Variants in EIPR1 observed in about 807,000 individuals in gnomAD.
The protein encoded by EIPR1 is EARP complex and GARP complex interacting protein 1, also known as EARP and GARP complex-interacting protein 1.
Under a neutral mutation model 48.1 loss-of-function variants are expected in EIPR1, and 25 were observed. That is an observed-to-expected ratio of 0.52 (90% CI 0.38 to 0.73). The LOEUF (loss-of-function observed/expected upper bound fraction) is 0.73. Ranked by LOEUF, EIPR1 falls within the 30% of genes least tolerant of loss-of-function variation. The pLI, the probability that EIPR1 is intolerant of heterozygous loss-of-function variation, is 0.00. For synonymous variants in EIPR1, 204 were observed against 201.9 expected (o/e 1.01, Z -0.09); for missense variants, 415 against 506.2 (o/e 0.82, Z 1.73).
At chr2:3,203,601 A>G (rs1390639328) in intron 5 of EIPR1, among the ~76,000 whole-genome samples, 2 of 152,212 alleles carry the variant, frequency 1.3e-5, no homozygotes, top group Non-Finnish European at 2.9e-5. Context: ...TGACATGAGG[A>G]GGCTGAAAAC....
chr2:3,216,653 T>C (rs1665648674), intron 4 of EIPR1, among the ~76,000 whole-genome samples: 1 of 152,208 alleles, frequency 6.6e-6, no homozygotes, highest in Non-Finnish European at 1.5e-5. Context: ...TTTGGTGCCA[T>C]AAATATTTGA....
At chr2:3,210,353 C>A (rs1364897761) in intron 5 of EIPR1, among the ~76,000 whole-genome samples, 4 of 152,174 alleles carry the variant, frequency 2.6e-5, no homozygotes, top group African/African-American at 9.7e-5. Flanking sequence ...CCACCCACAT[C>A]TGTTTTTCCA....
intron 2 of EIPR1, chr2:3,353,193 G>C: frequency 4.3e-6 from 2 of 470,454 alleles, no homozygotes; most frequent in Non-Finnish European, 4.4e-6. Flanking sequence ...TATGTTTAGG[G>C]TTCAGTACTC....
intron 3 of EIPR1, among the ~76,000 whole-genome samples, chr2:3,332,458 T>C (rs564369961): frequency 1.1e-4 from 16 of 152,298 alleles, no homozygotes; most frequent in Admixed American, 6.5e-5. Flanking sequence ...GGGCTCCAGG[T>C]CCAATTGAGA....
At chr2:3,224,030 T>C (rs1426464407) in intron 4 of EIPR1, among the ~76,000 whole-genome samples, 1 of 152,186 alleles carries the variant, frequency 6.6e-6, no homozygotes, top group East Asian at 1.9e-4. Flanking sequence ...CTCACTGAAT[T>C]GTACTTTTTA....
chr2:3,316,403 G>A (rs191982654), intron 3 of EIPR1, among the ~76,000 whole-genome samples: 148 of 152,280 alleles, frequency 9.7e-4, no homozygotes, highest in African/African-American at 3.5e-3. Flanking sequence ...CTTGGCTTAA[G>A]TACTTATCTA....
At chr2:3,355,796 C>T (rs1572481027) in intron 1 of EIPR1, among the ~76,000 whole-genome samples, 3 of 130,790 alleles carry the variant, frequency 2.3e-5, no homozygotes, top group South Asian at 2.4e-4. Flanking sequence ...CCTGGGTGAC[C>T]GAACAAGACC....
At chr2:3,324,454 GC>G (rs1669630384) in intron 3 of EIPR1, among the ~76,000 whole-genome samples, 4 of 152,222 alleles carry the variant, frequency 2.6e-5, no homozygotes, top group Non-Finnish European at 4.4e-5. Context: ...GCAGGATGCT[GC>G]CCTCCAGGCT....
intron 1 of EIPR1, among the ~76,000 whole-genome samples, chr2:3,370,957 T>C (rs1379800355): frequency 6.6e-6 from 1 of 151,958 alleles, no homozygotes; most frequent in East Asian, 1.9e-4. Flanking sequence ...AAAGTTGAAA[T>C]GAAGGAAAAA....
chr2:3,305,029 A>ATCCC (rs1668888376), intron 3 of EIPR1, among the ~76,000 whole-genome samples: 1 of 105,190 alleles, frequency 9.5e-6, no homozygotes, highest in Non-Finnish European at 2.0e-5. Flanking sequence ...ACTCCTGTCC[A>ATCCC]GTTCAACCCT....
chr2:3,337,752 G>A (rs990013963), intron 3 of EIPR1, among the ~76,000 whole-genome samples: 34 of 152,090 alleles, frequency 2.2e-4, no homozygotes, highest in South Asian at 2.1e-4. Context: ...CTGCCTCACC[G>A]GAAACTCCAG....
In EIPR1 at chr2:3,286,953, G is replaced by A. The variant is rs1668204383; in HGVS notation, c.260-29498C>T. Among the ~76,000 whole-genome samples, 1 of 143,450 alleles carries A rather than the reference G, an allele frequency of 7.0e-6. No individual in the cohort carries two copies. Among genetic ancestry groups the A allele is most frequent in the African/African-American group, 2.6e-5 (1 of 37,896 alleles). 94.1% of individuals were successfully genotyped at this position (143,450 alleles called of 152,430 possible). On this transcript the variant is annotated intron_variant, in intron 3 of 8. Coordinates refer to ENST00000382125, the MANE Select transcript of EIPR1 (RefSeq NM_003310.5). The surrounding 1 kb of genome is among the most constrained non-coding windows in gnomAD (Gnocchi z 4.2). ...GGGGGCGGTGGGGAGCACACAGAGT[G>A]CCAGCCGGCAGAGGGGGCGGTGGGG...
chr2:3,290,576 G>T (rs1050736670), intron 3 of EIPR1, among the ~76,000 whole-genome samples: 4 of 152,056 alleles, frequency 2.6e-5, no homozygotes, highest in African/African-American at 9.7e-5. Flanking sequence ...TTTGTAATGG[G>T]TCTTGCCACT....
chr2:3,292,660 T>C (rs1357853662), intron 3 of EIPR1, among the ~76,000 whole-genome samples: 1 of 152,198 alleles, frequency 6.6e-6, no homozygotes, highest in Non-Finnish European at 1.5e-5. Context: ...GATGCTGACG[T>C]CTGTGCTGCC....
chr2:3,344,181 C>T (rs1558311405), intron 2 of EIPR1, among the ~76,000 whole-genome samples: 1 of 152,246 alleles, frequency 6.6e-6, no homozygotes, highest in African/African-American at 2.4e-5. Flanking sequence ...ATGGCAAACC[C>T]CCCAGCTCTC....
intron 1 of EIPR1, among the ~76,000 whole-genome samples, chr2:3,371,035 A>G (rs1466330734): frequency 6.6e-6 from 1 of 152,222 alleles, no homozygotes; most frequent in Admixed American, 6.5e-5. Context: ...CTAACAGCGG[A>G]TCTCTCGGCA....
intron 3 of EIPR1, among the ~76,000 whole-genome samples, chr2:3,290,184 C>T (rs1572401751): frequency 6.6e-6 from 1 of 152,368 alleles, no homozygotes; most frequent in East Asian, 1.9e-4. Flanking sequence ...CAGTGCGTGG[C>T]ACAAGACAGT....
intron 3 of EIPR1, among the ~76,000 whole-genome samples, chr2:3,283,922 G>A (rs1432901098): frequency 6.7e-6 from 1 of 148,930 alleles, no homozygotes; most frequent in Non-Finnish European, 1.5e-5. Flanking sequence ...CTCCAGCCTG[G>A]GTGACAAAGC....
chr2:3,290,547 T>TA (rs1183551751), intron 3 of EIPR1, among the ~76,000 whole-genome samples: 1 of 152,018 alleles, frequency 6.6e-6, no homozygotes, highest in Non-Finnish European at 1.5e-5. Flanking sequence ...GATTTTTCCT[T>TA]AAAAAAATAG....
Sources: gnomAD v4.1 joint callset for allele counts (sites outside exome capture counted in the v4.1 genomes callset) on GRCh38, gnomAD v4.1.1 for gene constraint, Gnocchi (gnomAD v3.1) non-coding constraint, MANE v1.5 for transcripts, NCBI Gene and HGNC (gene_info 2026-07-23, HGNC 2026-07-21) for gene names.